The following BSN variants were observed in gnomAD, a reference collection of about 807,000 sequenced individuals.
BSN encodes the protein protein bassoon.
Under a neutral mutation model 264.8 loss-of-function variants are expected in BSN, and 57 were observed. That is an observed-to-expected ratio of 0.22 (90% CI 0.17 to 0.27). The LOEUF (loss-of-function observed/expected upper bound fraction) is 0.27. Among genes scored for constraint, BSN ranks in the 10% least tolerant of loss-of-function variants. BSN has a pLI of 1.00. For missense variants in BSN, 4,615 were observed against 5,232.5 expected, an observed-to-expected ratio of 0.88 and a Z score of 3.64; for synonymous variants, 2,059 against 2,137.3, an observed-to-expected ratio of 0.96 and a Z score of 1.01.
At chr3:49,558,905 G>A (rs903909941) in intron 1 of BSN, among the ~76,000 whole-genome samples, 1 of 152,156 alleles carries the variant, frequency 6.6e-6, no homozygotes, top group Admixed American at 6.6e-5. Context: ...GACATTAGGA[G>A]GAGAAATACT....
chr3:49,612,599 G>C (rs1035569255), intron 1 of BSN, among the ~76,000 whole-genome samples: 1 of 152,192 alleles, frequency 6.6e-6, no homozygotes, highest in Admixed American at 6.5e-5. Flanking sequence ...TGAGCCCTGT[G>C]TGATGCCAAG....
At chr3:49,621,700 T>G (rs1411809542) in intron 1 of BSN, among the ~76,000 whole-genome samples, 1 of 150,412 alleles carries the variant, frequency 6.6e-6, no homozygotes, top group Non-Finnish European at 1.5e-5. Flanking sequence ...GAGTGGGAGG[T>G]AGTGAGTGGA....
intron 1 of BSN, among the ~76,000 whole-genome samples, chr3:49,566,829 A>G (rs1459377979): frequency 6.8e-6 from 1 of 147,454 alleles, no homozygotes; most frequent in Non-Finnish European, 1.5e-5. Flanking sequence ...GGATTCAGGT[A>G]GTATCAGTGA....
rs2051650277 is a variant in BSN at position 49,554,701 on chromosome 3, A to G, written c.99A>G (p.Ala33=). Reference sequence around the variant, plus strand: ...CGGGCCCCGGCCCCGGCCCCGGCGCAGGAAAGCCGCCTTCAGCACCGGCCG... The same window carrying G: ...CGGGCCCCGGCCCCGGCCCCGGCGCGGGAAAGCCGCCTTCAGCACCGGCCG... ...PGPGPGPGPG[A]GKPPSAPAGG... is the part of the protein sequence containing the mutation. The change falls in exon 1 of 12, where the codon GCA becomes GCG. Residue 33 remains alanine (A), a synonymous_variant. Transcript: ENST00000296452. 2 of 1,138,814 alleles carry G rather than the reference A, an allele frequency of 1.8e-6. No homozygotes were observed. The highest frequency in any genetic ancestry group is 4.5e-5 in the East Asian group (1 of 22,460). The allele number at this position is 1,138,814 out of a possible 1,614,324, so 70.5% of individuals were successfully genotyped here.
chr3:49,611,408 A>T (rs2052205688), intron 1 of BSN, among the ~76,000 whole-genome samples: 1 of 152,188 alleles, frequency 6.6e-6, no homozygotes, highest in South Asian at 2.1e-4. Flanking sequence ...AAGTTGTATC[A>T]TGCGGGGTCC....
At position 49,653,546 on chromosome 3, in the gene BSN, C is replaced by T. The variant is rs1425585251; in HGVS notation, c.3990C>T (p.Asp1330=). The change falls in exon 5 of 12, where the codon GAC becomes GAT. Residue 1330 remains aspartate, a synonymous_variant. Coordinates refer to ENST00000296452, the MANE Select transcript of BSN (RefSeq NM_003458.4). This position sits in a 1 kb window ranked among gnomAD's most constrained non-coding sequence, Gnocchi z 6.3. ...PVSFSTPTSS[D]SSGGRVIPDV... ...CCTTCTCTACCCCCACCTCCTCAGA[C>T]AGCAGCGGGGGCCGAGTTATTCCCG... The T allele has an allele frequency of 5.0e-6, 8 of 1,613,864 alleles. No individual in the cohort carries two copies. In the African/African-American group the frequency reaches 8.0e-5, roughly 16 times the overall value.
chr3:49,562,473 T>G (rs1281258143), intron 1 of BSN, among the ~76,000 whole-genome samples: 1 of 152,214 alleles, frequency 6.6e-6, no homozygotes, highest in Non-Finnish European at 1.5e-5. Context: ...TCTCTTTGTC[T>G]CACAGAGGTA....
At chr3:49,626,261 G>A (rs544602403) in intron 2 of BSN, among the ~76,000 whole-genome samples, 416 of 152,262 alleles carry the variant, frequency 2.7e-3, no homozygotes, top group African/African-American at 9.5e-3. Context: ...ACAAGAATCC[G>A]TCTTTGGATA....
At position 49,663,897 on chromosome 3, in the gene BSN, C is replaced by T. The variant is rs202132674; in HGVS notation, c.11608+11C>T. On this transcript the variant is annotated intron_variant, in intron 8 of 11. Coordinates refer to ENST00000296452, the MANE Select transcript of BSN (RefSeq NM_003458.4). ...GACCTGGACCTGCAGGTGAGCCTAT[C>T]CTTTGACACCCTTGGCTGTGGCCCA... The T allele has an allele frequency of 1.9e-6, 3 of 1,612,460 alleles. No homozygotes were observed. Among genetic ancestry groups the T allele is most frequent in the East Asian group, 2.2e-5 (1 of 44,872 alleles).
chr3:49,664,002 AG>A, intron 8 of BSN, 116 bp downstream of exon 8: 2 of 1,018,572 alleles, frequency 2.0e-6, no homozygotes, highest in South Asian at 3.1e-5. Flanking sequence ...ATCCCTGAGA[AG>A]GTGCCCCAGG....
At chr3:49,590,053 G>A (rs567300400) in intron 1 of BSN, among the ~76,000 whole-genome samples, 1 of 151,728 alleles carries the variant, frequency 6.6e-6, no homozygotes, top group Admixed American at 6.6e-5. Flanking sequence ...GGCCAGGATG[G>A]TCTTGATCTC....
chr3:49,563,441 A>AG (rs2051730473), intron 1 of BSN, among the ~76,000 whole-genome samples: 1 of 152,094 alleles, frequency 6.6e-6, no homozygotes, highest in Non-Finnish European at 1.5e-5. Flanking sequence ...CATGATTTCC[A>AG]GGGGAGCTGG....
At position 49,655,897 on chromosome 3, in the gene BSN, G is replaced by A. The variant is rs199653836; in HGVS notation, c.6341G>A (p.Arg2114Gln). 2.4e-5 allele frequency: 38 copies of A among 1,612,478 alleles called. No individual in the cohort carries two copies. The highest frequency in any genetic ancestry group is 3.1e-5 in the Non-Finnish European group (36 of 1,179,960). The change falls in exon 5 of 12, where the codon CGG (arginine) becomes CAG (glutamine). Residue 2114 changes from arginine to glutamine, a missense_variant. Physicochemically the swap from Arg to Gln is conservative, Grantham distance 43. This residue lies in a region of BSN where 3,415 missense variants were observed against 3,866.4 expected (regional missense o/e 0.88). Transcript: ENST00000296452. ...ALNSMDQYGG[R>Q]HGSGGGGPDL... Reference sequence around the variant, plus strand: ...AACTCCATGGACCAGTATGGTGGGCGGCATGGCAGTGGTGGTGGTGGCCCT... The same window carrying A: ...AACTCCATGGACCAGTATGGTGGGCAGCATGGCAGTGGTGGTGGTGGCCCT...
intron 3 of BSN, among the ~76,000 whole-genome samples, chr3:49,644,090 C>T (rs1333425118): frequency 6.6e-6 from 1 of 152,212 alleles, no homozygotes; most frequent in Non-Finnish European, 1.5e-5. Context: ...TGACCCTTAC[C>T]ATGCTGCCTT....
At position 49,625,330 on chromosome 3, in the gene BSN, C is replaced by G; in HGVS notation, c.580C>G (p.His194Asp). ...AAACTTCAACACCTGCACCCAGTGTCACAACAAGGTCTGCAACCAGTGTGG... is the reference window on the plus strand; with the variant it reads ...AAACTTCAACACCTGCACCCAGTGTGACAACAAGGTCTGCAACCAGTGTGG... ...QPNFNTCTQC[H>D]NKVCNQCGFN... is the part of the protein sequence containing the mutation. The change falls in exon 2 of 12, where the codon CAC (histidine) becomes GAC (aspartate). Residue 194 changes from histidine (H) to aspartate (D), a missense_variant. His to Asp is a moderately conservative substitution (Grantham distance 81). Transcript: ENST00000296452. This position sits in a 1 kb window ranked among gnomAD's most constrained non-coding sequence, Gnocchi z 4.4. 1 of 1,576,276 alleles carries G rather than the reference C, an allele frequency of 6.3e-7. No homozygotes were observed. The highest frequency in any genetic ancestry group is 8.6e-7 in the Non-Finnish European group (1 of 1,162,866).
chr3:49,572,423 C>T (rs17080664), intron 1 of BSN, among the ~76,000 whole-genome samples: 3,738 of 152,022 alleles, frequency 0.025, 163 homozygotes, highest in African/African-American at 0.086. Context: ...AGCCTCAGGT[C>T]GAAAGTGGGT....
At chr3:49,622,940 T>A (rs1333743820) in intron 1 of BSN, among the ~76,000 whole-genome samples, 1 of 152,200 alleles carries the variant, frequency 6.6e-6, no homozygotes, top group Admixed American at 6.5e-5. Context: ...GATAGTTAGG[T>A]CTGTGCCACT....
chr3:49,561,221 AC>A lies in BSN; in HGVS notation c.224+6396del, dbSNP rs1405406020. Among the ~76,000 whole-genome samples, 4 of 152,358 alleles carry A rather than the reference AC, an allele frequency of 2.6e-5. No homozygotes were observed. In the East Asian group the frequency reaches 7.7e-4, roughly 29 times the overall value. On this transcript the variant is annotated intron_variant, in intron 1 of 11. Coordinates refer to ENST00000296452, the MANE Select transcript of BSN (RefSeq NM_003458.4). ...GTGGGTGAGGCTGCTGTCAGGGCCA[AC>A]GGTGAAGAAGAGATTTTCCCTGAGG...
At position 49,555,976 on chromosome 3, in the gene BSN, A is replaced by G. The variant is rs180868331; in HGVS notation, c.224+1150A>G. 9.8e-3 allele frequency among the ~76,000 whole-genome samples: 1,489 copies of G among 152,364 alleles called. 26 individuals carry two copies. Among genetic ancestry groups the G allele is most frequent in the African/African-American group, 0.035 (1,435 of 41,572 alleles). ...CAACTAACAGTAATGAAAGGCTGTT[A>G]GTAGCTTGAAACCTGCGGCAGACAG... On this transcript the variant is annotated intron_variant, in intron 1 of 11. Transcript: ENST00000296452.
Sources: allele counts gnomAD v4.1 joint callset (sites outside exome capture counted in the v4.1 genomes callset), GRCh38; gene constraint gnomAD v4.1.1; regional missense constraint gnomAD v4.1.1; non-coding constraint Gnocchi (gnomAD v3.1); transcripts MANE v1.5; gene names NCBI Gene and HGNC (gene_info 2026-07-23, HGNC 2026-07-21).